The following ALMS1 variants were observed in gnomAD, a reference collection of about 807,000 sequenced individuals.
The protein encoded by ALMS1 is centrosome-associated protein ALMS1.
In ALMS1, 271 loss-of-function variants were observed where a neutral mutation model predicts 352.2. That is an observed-to-expected ratio of 0.77 (90% CI 0.70 to 0.85). The LOEUF (loss-of-function observed/expected upper bound fraction) is 0.85. Ranked by LOEUF, ALMS1 falls within the 40% of genes least tolerant of loss-of-function variation. The probability of loss-of-function intolerance (pLI) is 0.00; values close to 1 mark genes in which losing one functional copy is unlikely to be tolerated. For synonymous variants in ALMS1, 1,865 were observed against 1,761.2 expected, an observed-to-expected ratio of 1.06 and a Z score of -1.48; for missense variants, 5,445 against 4,870.7, an observed-to-expected ratio of 1.12 and a Z score of -3.51.
At chr2:73,395,555 A>G (rs1670744062) in intron 1 of ALMS1, among the ~76,000 whole-genome samples, 1 of 152,040 alleles carries the variant, frequency 6.6e-6, no homozygotes, top group Admixed American at 6.5e-5. Context: ...TGGTATTGTC[A>G]GTGGAATTAT....
chr2:73,484,973 C>G (rs866060309), intron 9 of ALMS1, among the ~76,000 whole-genome samples: 14 of 152,130 alleles, frequency 9.2e-5, no homozygotes, highest in African/African-American at 3.4e-4. Context: ...GTTACACATT[C>G]TTCTAAATTT....
chr2:73,504,736 C>CTT (rs146880962), intron 10 of ALMS1, among the ~76,000 whole-genome samples: 1 of 148,704 alleles, frequency 6.7e-6, no homozygotes, highest in African/African-American at 2.5e-5. Context: ...CATTCATGTA[C>CTT]TTTTTTTTTT....
chr2:73,385,800 C>T (rs1670501540), upstream of ALMS1: 2 of 655,308 alleles, frequency 3.1e-6, no homozygotes, highest in Admixed American at 2.3e-5. Flanking sequence ...AACCGCCAGT[C>T]AGGGCTCTCC....
intron 9 of ALMS1, among the ~76,000 whole-genome samples, chr2:73,486,457 T>C (rs1221229518): frequency 1.3e-5 from 2 of 152,194 alleles, no homozygotes; most frequent in East Asian, 3.9e-4. Flanking sequence ...GAATGGTTAT[T>C]ATTTAAAAGT....
chr2:73,585,854 G>C (rs1021923102), intron 16 of ALMS1, among the ~76,000 whole-genome samples: 1 of 150,168 alleles, frequency 6.7e-6, no homozygotes, highest in Admixed American at 6.6e-5. Flanking sequence ...TCAGCCTCTG[G>C]AGTAGCCGGG....
chr2:73,445,556 C>G (rs1259549858), intron 7 of ALMS1, among the ~76,000 whole-genome samples: 2 of 152,016 alleles, frequency 1.3e-5, no homozygotes, highest in African/African-American at 2.4e-5. Context: ...GGAATTGTAC[C>G]TCATTTTGTC....
chr2:73,510,313 G>A (rs1039478823), intron 10 of ALMS1, among the ~76,000 whole-genome samples: 3 of 152,156 alleles, frequency 2.0e-5, no homozygotes, highest in South Asian at 2.1e-4. Flanking sequence ...GGAATTTTCA[G>A]CCTTTTTGCA....
intron 6 of ALMS1, among the ~76,000 whole-genome samples, chr2:73,429,278 C>CTTTT (rs5832107): frequency 4.9e-5 from 5 of 102,702 alleles, no homozygotes; most frequent in Non-Finnish European, 5.7e-5. Flanking sequence ...AATTAATATG[C>CTTTT]TTTTTTTTTT....
At chr2:73,455,484 G>T (rs1393295242) in intron 9 of ALMS1, among the ~76,000 whole-genome samples, 189 bp downstream of exon 9, 1 of 152,168 alleles carries the variant, frequency 6.6e-6, no homozygotes, top group South Asian at 2.1e-4. Context: ...GGTCACTGCA[G>T]CCCTGAACTC....
chr2:73,410,289 T>C (rs1441010879), intron 2 of ALMS1, among the ~76,000 whole-genome samples: 1 of 152,050 alleles, frequency 6.6e-6, no homozygotes, highest in Non-Finnish European at 1.5e-5. Context: ...CTTGGGAGGC[T>C]GAGGCAAGAG....
intron 21 of ALMS1, among the ~76,000 whole-genome samples, chr2:73,605,043 C>T (rs997023573): frequency 5.3e-5 from 8 of 152,320 alleles, no homozygotes; most frequent in South Asian, 2.1e-4. Flanking sequence ...TGGTTTGTGT[C>T]GTGAGCTGAA....
intron 7 of ALMS1, among the ~76,000 whole-genome samples, chr2:73,438,138 T>C (rs1671642206): frequency 6.6e-6 from 1 of 152,134 alleles, no homozygotes; most frequent in South Asian, 2.1e-4. Context: ...CCAATCCAGA[T>C]CTATCAGGCA....
At chr2:73,460,651 T>A (rs1040281574) in intron 9 of ALMS1, among the ~76,000 whole-genome samples, 1 of 152,166 alleles carries the variant, frequency 6.6e-6, no homozygotes, top group Admixed American at 6.5e-5. Flanking sequence ...ATTGCCTCAC[T>A]CGGGAAGTGC....
At chr2:73,588,176 A>G (rs1017479806) in intron 16 of ALMS1, among the ~76,000 whole-genome samples, 1 of 152,248 alleles carries the variant, frequency 6.6e-6, no homozygotes, top group Non-Finnish European at 1.5e-5. Flanking sequence ...TGAAACCAGT[A>G]TCACCCTAAT....
intron 7 of ALMS1, among the ~76,000 whole-genome samples, chr2:73,443,238 A>C (rs1444845658): frequency 1.3e-5 from 2 of 152,196 alleles, no homozygotes; most frequent in Non-Finnish European, 2.9e-5. Context: ...CTTAGTACAT[A>C]GTAGAAGGTC....
At position 73,386,213 on chromosome 2, in the gene ALMS1, G is replaced by A. The variant is rs11126399; in HGVS notation, c.324+21G>A. 434,389 of 1,504,184 alleles carry A rather than the reference G, an allele frequency of 0.29. 63,006 individuals carry two copies. The highest frequency in any genetic ancestry group is 0.3 in the Non-Finnish European group (333,131 of 1,123,996). The allele number at this position is 1,504,184 out of a possible 1,614,324, so 93.2% of individuals were successfully genotyped here. A position where few individuals can be genotyped will look rare whatever the true frequency, so the allele number is the denominator to read the frequency against. On this transcript the variant is annotated intron_variant, in intron 1 of 22. Coordinates refer to ENST00000613296, the MANE Select transcript of ALMS1 (RefSeq NM_001378454.1). ...AGAAGGTGAGGCGGGCCGGGGAGGG[G>A]TGTGGAGCCGCGGCGAGTTGGGGGT...
Position 73,450,998 on chromosome 2 carries a change from C to A in ALMS1, c.4471C>A (p.Pro1491Thr). 1 of 1,613,982 alleles carries A rather than the reference C, an allele frequency of 6.2e-7. No individual in the cohort carries two copies. The highest frequency in any genetic ancestry group is 1.1e-5 in the South Asian group (1 of 91,076). ...CATTGTTATCTACAAACAGGCCTTT[C>A]CAGAGGGTCATCTACCTGAAGAGTC... ...KPIVIYKQAF[P>T]EGHLPEESLK... Residue 1491 changes from proline to threonine, a missense_variant, in exon 8 of 23, where the codon CCA (proline) becomes ACA (threonine). Pro to Thr is a conservative substitution (Grantham distance 38, BLOSUM62 -1). Coordinates refer to ENST00000613296, the MANE Select transcript of ALMS1 (RefSeq NM_001378454.1).
At chr2:73,539,160 C>T (rs912391642) in intron 12 of ALMS1, among the ~76,000 whole-genome samples, 5 of 152,192 alleles carry the variant, frequency 3.3e-5, no homozygotes, top group Non-Finnish European at 7.3e-5. Flanking sequence ...ACACTTCACA[C>T]GGCCGGGTAC....
At chr2:73,465,752 T>C (rs1300035789) in intron 9 of ALMS1, among the ~76,000 whole-genome samples, 2 of 151,866 alleles carry the variant, frequency 1.3e-5, no homozygotes, top group Non-Finnish European at 2.9e-5. Flanking sequence ...GACAAAGGGC[T>C]AATATCCAGA....
Sources: gnomAD v4.1 joint callset for allele counts (sites outside exome capture counted in the v4.1 genomes callset) on GRCh38, gnomAD v4.1.1 for gene constraint, MANE v1.5 for transcripts, NCBI Gene and HGNC (gene_info 2026-07-23, HGNC 2026-07-21) for gene names.